Variants in WDR7 observed in about 807,000 individuals in gnomAD.
The protein encoded by WDR7 is WD repeat-containing protein 7.
In WDR7, 46 loss-of-function variants were observed where a neutral mutation model predicts 169.4. That is an observed-to-expected ratio of 0.27 (90% CI 0.21 to 0.35). WDR7 has a LOEUF of 0.35. Ranked by LOEUF, WDR7 falls within the 10% of genes least tolerant of loss-of-function variation. WDR7 has a pLI of 1.00. For missense variants in WDR7, 1,534 were observed against 1,859.3 expected, an observed-to-expected ratio of 0.83 and a Z score of 3.22; for synonymous variants, 612 against 666.8, an observed-to-expected ratio of 0.92 and a Z score of 1.27.
chr18:56,955,228 C>G (rs77157927), intron 25 of WDR7, among the ~76,000 whole-genome samples: 6,396 of 152,142 alleles, frequency 0.042, 444 homozygotes, highest in African/African-American at 0.14. Flanking sequence ...AAGTAGAACT[C>G]CCTCTAAAAT....
intron 20 of WDR7, among the ~76,000 whole-genome samples, chr18:56,831,674 G>C (rs2045311088): frequency 6.6e-6 from 1 of 151,994 alleles, no homozygotes; most frequent in African/African-American, 2.4e-5. Flanking sequence ...AGTGGGTGCA[G>C]CCCATGGACA....
intron 21 of WDR7, among the ~76,000 whole-genome samples, chr18:56,895,086 T>G (rs1021693660): frequency 6.6e-6 from 1 of 152,050 alleles, no homozygotes; most frequent in African/African-American, 2.4e-5. Flanking sequence ...ATTAGATATA[T>G]TCTAACAAGT....
rs531558189 is a variant in WDR7 at position 56,920,748 on chromosome 18, AG to A, written c.3527-3173del. Among the ~76,000 whole-genome samples the A allele has an allele frequency of 2.2e-4, 34 of 152,340 alleles. No homozygotes were observed. The South Asian group carries it at 6.6e-3, about 30-fold the overall frequency. ...TTAGATTCTATCTTATACAGATTAA[AG>A]TATACAACTTTTATTCAATACCAAC... On this transcript the variant is annotated intron_variant, in intron 21 of 27. Transcript: ENST00000254442.
In WDR7 at chr18:56,714,665, C is replaced by T. The variant is rs2026153786; in HGVS notation, c.1579-3299C>T. On this transcript the variant is annotated intron_variant, in intron 12 of 27. Coordinates refer to ENST00000254442, the MANE Select transcript of WDR7 (RefSeq NM_015285.3). ...TTGACCTCAGGTGATCCATCCCCCT[C>T]GACCTCCCAAAGTGCTGGTATTATA... is the stretch of plus-strand genomic sequence containing the variant. Among the ~76,000 whole-genome samples the T allele has an allele frequency of 1.3e-5, 2 of 152,018 alleles. 1 individual carries two copies. Among genetic ancestry groups the T allele is most frequent in the Non-Finnish European group, 2.9e-5 (2 of 67,988 alleles).
At chr18:56,796,609 G>T (rs948458448) in intron 19 of WDR7, among the ~76,000 whole-genome samples, 2 of 152,154 alleles carry the variant, frequency 1.3e-5, no homozygotes, top group Non-Finnish European at 2.9e-5. Flanking sequence ...TGCTAAAAAT[G>T]AGGTGTCACT....
At position 56,727,771 on chromosome 18, in the gene WDR7, G is replaced by A. The variant is rs764599998; in HGVS notation, c.1775-3612G>A. On this transcript the variant is annotated intron_variant, in intron 13 of 27. Transcript: ENST00000254442. Reference sequence around the variant, plus strand: ...CTTGTGTTGTTGATTGTCTTCTTATGTGCAAATGTTTTGACCCTCACTCTT... The same window carrying A: ...CTTGTGTTGTTGATTGTCTTCTTATATGCAAATGTTTTGACCCTCACTCTT... Among the ~76,000 whole-genome samples, 7 of 152,218 alleles carry A rather than the reference G, an allele frequency of 4.6e-5. 1 individual carries two copies. The highest frequency in any genetic ancestry group is 4.6e-4 in the Admixed American group (7 of 15,292).
At chr18:57,033,681 G>T (rs1375953272), downstream of WDR7, 3 of 152,064 alleles carry the variant, frequency 2.0e-5, no homozygotes, top group Non-Finnish European at 4.4e-5. Context: ...CACTGCCCAG[G>T]TCCTCCCACC....
At chr18:56,967,194 A>C (rs2047422091) in intron 26 of WDR7, among the ~76,000 whole-genome samples, 2 of 151,388 alleles carry the variant, frequency 1.3e-5, no homozygotes, top group African/African-American at 4.9e-5. Flanking sequence ...CTTGGGTGGA[A>C]AAGTTGAAGC....
chr18:56,656,648 C>T (rs1258722097), intron 1 of WDR7, among the ~76,000 whole-genome samples: 1 of 151,354 alleles, frequency 6.6e-6, no homozygotes, highest in Non-Finnish European at 1.5e-5. Flanking sequence ...TTTGCATTTC[C>T]CAAATTAGCT....
At position 56,651,381 on chromosome 18, in the gene WDR7, C is replaced by CGGCGGT; in HGVS notation, c.-210_-209insTGGCGG. On this transcript the variant is annotated 5_prime_UTR_variant, in exon 1 of 28. Coordinates refer to ENST00000254442, the MANE Select transcript of WDR7 (RefSeq NM_015285.3). Reference sequence around the variant, plus strand: ...GTCAGCTGATTTACTGCAGTGGCGGCGGCGGCGGCACCGGCACCTTGCAGT... The same window carrying CGGCGGT: ...GTCAGCTGATTTACTGCAGTGGCGGCGGCGGTGGCGGCGGCACCGGCACCTTGCAGT... 1 of 154,220 alleles carries CGGCGGT rather than the reference C, an allele frequency of 6.5e-6. No individual in the cohort carries two copies. 9.6% of individuals were successfully genotyped at this position (154,220 alleles called of 1,614,324 possible).
At chr18:56,884,504 T>C (rs1040984599) in intron 21 of WDR7, among the ~76,000 whole-genome samples, 6 of 152,226 alleles carry the variant, frequency 3.9e-5, no homozygotes, top group African/African-American at 1.4e-4. Context: ...CTTTTTCATT[T>C]AATTAACTCC....
chr18:56,789,729 T>C (rs530570361), intron 19 of WDR7, among the ~76,000 whole-genome samples: 4 of 152,358 alleles, frequency 2.6e-5, no homozygotes, highest in Non-Finnish European at 5.9e-5. Context: ...AGTCTCTCCC[T>C]ATCTTTATAC....
chr18:56,861,315 T>G (rs2045801712), intron 20 of WDR7, among the ~76,000 whole-genome samples: 1 of 152,228 alleles, frequency 6.6e-6, no homozygotes, highest in Non-Finnish European at 1.5e-5. Context: ...CTTAAAAGTC[T>G]TGTTTGCTGA....
At position 56,932,410 on chromosome 18, in the gene WDR7, A is replaced by C. The variant is rs144064345; in HGVS notation, c.3714-3378A>C. ...CTTCTAGACCCACCACCCAGCACCA[A>C]AGCACCAACCTTTATCATTTTTATG... On this transcript the variant is annotated intron_variant, in intron 22 of 27. Transcript: ENST00000254442. Among the ~76,000 whole-genome samples, 428 of 152,274 alleles carry C rather than the reference A, an allele frequency of 2.8e-3. 4 individuals carry two copies. Among genetic ancestry groups the C allele is most frequent in the South Asian group, 5.2e-3 (25 of 4,816 alleles).
At chr18:56,863,375 T>C (rs921592872) in intron 20 of WDR7, among the ~76,000 whole-genome samples, 3 of 151,742 alleles carry the variant, frequency 2.0e-5, no homozygotes, top group Non-Finnish European at 4.4e-5. Flanking sequence ...ATTAGCAATA[T>C]GAAATTCTTG....
chr18:56,931,033 A>T (rs938774837), intron 22 of WDR7, among the ~76,000 whole-genome samples: 1 of 152,150 alleles, frequency 6.6e-6, no homozygotes, highest in Non-Finnish European at 1.5e-5. Flanking sequence ...TTTTCCATTC[A>T]TATTTTTATT....
chr18:56,790,480 T>C (rs150033734), intron 19 of WDR7, among the ~76,000 whole-genome samples: 1 of 152,330 alleles, frequency 6.6e-6, no homozygotes, highest in Non-Finnish European at 1.5e-5. Flanking sequence ...AAAACAGTAA[T>C]TTAAAGTCAT....
intron 26 of WDR7, chr18:57,009,969 T>C (rs1020055848): frequency 3.0e-6 from 3 of 985,282 alleles, no homozygotes; most frequent in Non-Finnish European, 3.6e-6. Flanking sequence ...CCAAGTCCCA[T>C]CATGACGGAC....
chr18:56,948,575 C>G (rs1026381944), intron 25 of WDR7, among the ~76,000 whole-genome samples: 5 of 152,164 alleles, frequency 3.3e-5, no homozygotes, highest in Non-Finnish European at 5.9e-5. Flanking sequence ...TAAATGGCAT[C>G]AGTTCTTTCG....
Sources: gnomAD v4.1 joint callset for allele counts (sites outside exome capture counted in the v4.1 genomes callset) on GRCh38, gnomAD v4.1.1 for gene constraint, MANE v1.5 for transcripts, NCBI Gene and HGNC (gene_info 2026-07-23, HGNC 2026-07-21) for gene names.